The following IL19 variants were observed in gnomAD, a reference collection of about 807,000 sequenced individuals.
IL19 encodes the protein interleukin 19.
A neutral mutation model predicts 19.5 loss-of-function variants in IL19; 15 were observed. That is an observed-to-expected ratio of 0.77 (90% CI 0.52 to 1.19). The LOEUF is 1.19. Among genes scored for constraint, IL19 ranks in the 50% most tolerant of loss-of-function variants. The pLI, the probability that IL19 is intolerant of heterozygous loss-of-function variation, is 0.00. For missense variants in IL19, 199 were observed against 213.1 expected (o/e 0.93, Z 0.41); for synonymous variants, 78 against 78.3 (o/e 1.00, Z 0.02).
chr1:206,770,776 C>A lies in IL19; in HGVS notation c.-451C>A, dbSNP rs1444815587. The A allele has an allele frequency of 3.2e-6, 3 of 934,322 alleles. No homozygotes were observed. Among genetic ancestry groups the A allele is most frequent in the Non-Finnish European group, 3.5e-6 (2 of 567,660 alleles). The allele number at this position is 934,322 out of a possible 1,614,324, so 57.9% of individuals were successfully genotyped here. A position where few individuals can be genotyped will look rare whatever the true frequency, so the allele number is the denominator to read the frequency against. ...GAGCAAGAGATCTGACTCCAGGAGT[C>A]TTTCCTCATTTACAGCTAGCTCTGC... On this transcript the variant is annotated 5_prime_UTR_variant, in exon 1 of 7. Coordinates refer to ENST00000659997, the MANE Select transcript of IL19 (RefSeq NM_153758.5).
At chr1:206,836,354 T>C (rs2243194) in intron 2 of IL19, among the ~76,000 whole-genome samples, 14 of 152,198 alleles carry the variant, frequency 9.2e-5, no homozygotes, top group Non-Finnish European at 1.9e-4. Context: ...GTAGGCTGTG[T>C]TGAGTCATAG....
chr1:206,793,482 C>A (rs931575804), intron 1 of IL19, among the ~76,000 whole-genome samples: 1 of 152,188 alleles, frequency 6.6e-6, no homozygotes, highest in African/African-American at 2.4e-5. Context: ...TGATCGAATG[C>A]CTCCGATTCC....
intron 2 of IL19, among the ~76,000 whole-genome samples, chr1:206,822,953 G>A (rs1399062305): frequency 2.0e-5 from 3 of 151,668 alleles, no homozygotes; most frequent in Admixed American, 2.0e-4. Flanking sequence ...TGTTTGAAAT[G>A]AAGTCTCACT....
intron 2 of IL19, among the ~76,000 whole-genome samples, chr1:206,800,615 A>C (rs1331541038): frequency 6.6e-6 from 1 of 152,092 alleles, no homozygotes; most frequent in African/African-American, 2.4e-5. Context: ...TGTTTAGGAA[A>C]CCGGGATGGG....
intron 4 of IL19, among the ~76,000 whole-genome samples, chr1:206,839,506 A>G (rs1198475187): frequency 2.0e-5 from 3 of 152,174 alleles, no homozygotes; most frequent in Non-Finnish European, 4.4e-5. Context: ...TCCTTTTAAA[A>G]AGGAGGCAAC....
chr1:206,827,845 G>A (rs6540645), intron 2 of IL19, among the ~76,000 whole-genome samples: 49 of 152,226 alleles, frequency 3.2e-4, no homozygotes, highest in African/African-American at 1.0e-3. Flanking sequence ...ATGACTGCAC[G>A]CAGCTGTACC....
At chr1:206,781,318 G>A (rs945422749) in intron 1 of IL19, among the ~76,000 whole-genome samples, 1 of 149,934 alleles carries the variant, frequency 6.7e-6, no homozygotes, top group African/African-American at 2.5e-5. Context: ...GTGAGGCTGA[G>A]GCAGGAGAAT....
At chr1:206,817,158 C>A (rs1307284206) in intron 2 of IL19, among the ~76,000 whole-genome samples, 1 of 152,154 alleles carries the variant, frequency 6.6e-6, no homozygotes, top group Non-Finnish European at 1.5e-5. Context: ...GACATCACAG[C>A]CTAAATTTCC....
chr1:206,839,496 T>C (rs1377138690), intron 4 of IL19, among the ~76,000 whole-genome samples: 1 of 152,196 alleles, frequency 6.6e-6, no homozygotes, highest in African/African-American at 2.4e-5. Flanking sequence ...CAGCCATCAG[T>C]CCTTTTAAAA....
At chr1:206,807,919 CTT>C (rs59700084) in intron 2 of IL19, among the ~76,000 whole-genome samples, 42,743 of 152,014 alleles carry the variant, frequency 0.28, 6,728 homozygotes, top group East Asian at 0.67. Context: ...TGATGGTAAA[CTT>C]TTTTTCTATT....
chr1:206,831,675 A>G (rs1199588773), intron 2 of IL19, among the ~76,000 whole-genome samples: 2 of 152,228 alleles, frequency 1.3e-5, no homozygotes, highest in Admixed American at 1.3e-4. Flanking sequence ...CTGCGCCTAC[A>G]TGGTGAACGT....
At chr1:206,830,489 A>G (rs935975551) in intron 2 of IL19, among the ~76,000 whole-genome samples, 1 of 152,020 alleles carries the variant, frequency 6.6e-6, no homozygotes, top group African/African-American at 2.4e-5. Flanking sequence ...ATCTAGATAT[A>G]TTTACCAAGA....
chr1:206,805,742 A>G (rs143230210), intron 2 of IL19, among the ~76,000 whole-genome samples: 5 of 152,388 alleles, frequency 3.3e-5, no homozygotes, highest in African/African-American at 1.2e-4. Context: ...CCTAAAGATA[A>G]TGAACAGATT....
rs532313651 is a variant in IL19, at chr1:206,798,859, A to C, written c.-148-2A>C. 24 of 1,442,876 alleles carry C rather than the reference A, an allele frequency of 1.7e-5. No individual in the cohort carries two copies. In the South Asian group the frequency reaches 2.1e-4, roughly 13 times the overall value. The allele number at this position is 1,442,876 out of a possible 1,614,324, so 89.4% of individuals were successfully genotyped here. On this transcript the variant is annotated splice_acceptor_variant, in intron 1 of 6. Coordinates refer to ENST00000659997, the MANE Select transcript of IL19 (RefSeq NM_153758.5). LOFTEE classifies it low-confidence loss of function (5UTR_SPLICE). ...GATGACTCTCTATGATTTTCTCCATAGAGCGGTGCTTGCACACACTGACAG... is the reference window on the plus strand; with the variant it reads ...GATGACTCTCTATGATTTTCTCCATCGAGCGGTGCTTGCACACACTGACAG...
intron 1 of IL19, among the ~76,000 whole-genome samples, chr1:206,782,234 C>T (rs1675164809): frequency 6.6e-6 from 1 of 151,884 alleles, no homozygotes; most frequent in Admixed American, 6.6e-5. Flanking sequence ...AGAAGAGTGG[C>T]AGTGTTCTGC....
At chr1:206,802,048 A>G (rs1332372016) in intron 2 of IL19, among the ~76,000 whole-genome samples, 12 of 152,170 alleles carry the variant, frequency 7.9e-5, no homozygotes, top group Admixed American at 7.9e-4. Flanking sequence ...GGGGAAGGGG[A>G]GGCTGCAGCA....
intron 2 of IL19, among the ~76,000 whole-genome samples, chr1:206,818,181 T>C (rs979395789): frequency 6.6e-6 from 1 of 152,218 alleles, no homozygotes; most frequent in African/African-American, 2.4e-5. Context: ...CTAATTAACA[T>C]ATATAGAACA....
chr1:206,821,872 C>T (rs1452662950), intron 2 of IL19, among the ~76,000 whole-genome samples: 1 of 152,210 alleles, frequency 6.6e-6, no homozygotes, highest in Non-Finnish European at 1.5e-5. Flanking sequence ...ACTCCTCACA[C>T]TTTGGGAAAG....
chr1:206,772,458 T>C (rs1400264748), intron 1 of IL19: 1 of 1,613,178 alleles, frequency 6.2e-7, no homozygotes, highest in African/African-American at 1.3e-5. Flanking sequence ...AAGTCTGTCT[T>C]GTGGTTTGGT....
Sources: allele counts gnomAD v4.1 joint callset (sites outside exome capture counted in the v4.1 genomes callset), GRCh38; gene constraint gnomAD v4.1.1; transcripts MANE v1.5; gene names NCBI Gene and HGNC (gene_info 2026-07-23, HGNC 2026-07-21).